Variants in LDB3 observed in about 807,000 individuals in gnomAD.
The protein encoded by LDB3 is LIM domain-binding protein 3.
In LDB3, 49 loss-of-function variants were observed where a neutral mutation model predicts 69.0. The ratio of observed to expected loss-of-function variants is 0.71; its 90% CI spans 0.56 to 0.90. The LOEUF is 0.90. Ranked by LOEUF, LDB3 falls within the 40% of genes least tolerant of loss-of-function variation. The probability of loss-of-function intolerance (pLI) is 0.00; values close to 1 mark genes in which losing one functional copy is unlikely to be tolerated. For missense variants in LDB3, 928 were observed against 974.1 expected, an observed-to-expected ratio of 0.95 and a Z score of 0.63; for synonymous variants, 387 against 396.2, an observed-to-expected ratio of 0.98 and a Z score of 0.28.
chr10:86,710,200 T>C, intron 9 of LDB3, 150 bp downstream of exon 9: 3 of 1,520,030 alleles, frequency 2.0e-6, no homozygotes, highest in Non-Finnish European at 2.6e-6. Flanking sequence ...CCCCTAGCTG[T>C]GGGTCAGAAT....
intron 2 of LDB3, among the ~76,000 whole-genome samples, chr10:86,675,719 G>A (rs1244926939): frequency 6.6e-6 from 1 of 152,266 alleles, no homozygotes; most frequent in Non-Finnish European, 1.5e-5. Context: ...ATTGATGGAT[G>A]TGGAGGGATG....
Position 86,681,746 on chromosome 10 carries a change from C to A in LDB3, c.632C>A (p.Ala211Asp). The A allele has an allele frequency of 6.2e-7, 1 of 1,605,910 alleles. No individual in the cohort carries two copies. Among genetic ancestry groups the A allele is most frequent in the Non-Finnish European group, 8.5e-7 (1 of 1,175,636 alleles). ...LYSAETLREM[A>D]QMYQMSLRGK... ...TCGGCAGAGACCCTGAGGGAGATGG[C>A]TCAGATGTACCAGATGAGCCTCCGA... Residue 211 changes from alanine (A) to aspartate (D), a missense_variant, in exon 5 of 14, where the codon GCT becomes GAT. Transcript: ENST00000361373.
chr10:86,716,198 CA>C (rs1430801010), intron 9 of LDB3, 128 bp from the exon 10 acceptor site: 5 of 1,129,966 alleles, frequency 4.4e-6, no homozygotes, highest in Non-Finnish European at 6.7e-6. Context: ...ACAAGTCTCC[CA>C]AAAAAACTGA....
chr10:86,693,982 C>A (rs1269687029), intron 7 of LDB3, among the ~76,000 whole-genome samples: 1 of 152,230 alleles, frequency 6.6e-6, no homozygotes, highest in African/African-American at 2.4e-5. Flanking sequence ...TTTTTTCTCC[C>A]TCCTCTGAGA....
chr10:86,708,734 T>C (rs1170216145), intron 8 of LDB3, among the ~76,000 whole-genome samples: 4 of 152,188 alleles, frequency 2.6e-5, no homozygotes, highest in Non-Finnish European at 5.9e-5. Context: ...AGCCCCCTGG[T>C]CTGGGATGCC....
At chr10:86,686,525 C>T (rs1277023882) in intron 5 of LDB3, among the ~76,000 whole-genome samples, 1 of 152,180 alleles carries the variant, frequency 6.6e-6, no homozygotes, top group Non-Finnish European at 1.5e-5. Flanking sequence ...GGCAAGGAAA[C>T]CCTTCTATGG....
Position 86,733,006 on chromosome 10 carries a change from C to T in LDB3, c.*30C>T. On this transcript the variant is annotated 3_prime_UTR_variant, in exon 14 of 14. Transcript: ENST00000361373. ...CCAAGGCCGCCTGTGCTGACGAGGCCCGGAGCTGCTCCTGCTGCTGGCAAC... is the reference window on the plus strand; with the variant it reads ...CCAAGGCCGCCTGTGCTGACGAGGCTCGGAGCTGCTCCTGCTGCTGGCAAC... 2 of 1,515,890 alleles carry T rather than the reference C, an allele frequency of 1.3e-6. No homozygotes were observed. The highest frequency in any genetic ancestry group is 2.3e-5 in the East Asian group (1 of 43,780). 93.9% of individuals were successfully genotyped at this position (1,515,890 alleles called of 1,614,324 possible).
chr10:86,698,912 C>T (rs951563179), intron 7 of LDB3, among the ~76,000 whole-genome samples: 1 of 152,124 alleles, frequency 6.6e-6, no homozygotes, highest in Admixed American at 6.5e-5. Flanking sequence ...CCAAAGCAGC[C>T]CTGCCCAGCC....
intron 7 of LDB3, 54 bp downstream of exon 7, chr10:86,692,625 C>T (rs184504862): frequency 2.1e-4 from 328 of 1,527,756 alleles, no homozygotes; most frequent in African/African-American, 3.1e-4. Context: ...CGTCCCTCCC[C>T]GGGCAGCCCC....
intron 9 of LDB3, among the ~76,000 whole-genome samples, chr10:86,711,861 C>A (rs1318737626): frequency 4.7e-5 from 7 of 150,408 alleles, no homozygotes; most frequent in Admixed American, 2.6e-4. Flanking sequence ...AGAGCCGGGC[C>A]CGGCCCGGCG....
chr10:86,718,878 C>T, intron 12 of LDB3, 31 bp downstream of exon 12: 1 of 1,613,292 alleles, frequency 6.2e-7, no homozygotes, highest in South Asian at 1.1e-5. Context: ...TGTGGGGAGG[C>T]CCCACAGCCT....
chr10:86,690,721 G>A (rs1251420310), intron 5 of LDB3, among the ~76,000 whole-genome samples: 1 of 152,254 alleles, frequency 6.6e-6, no homozygotes, highest in Non-Finnish European at 1.5e-5. Context: ...GCAGGCAGAA[G>A]AGTACTGGAC....
At chr10:86,680,260 C>A in intron 4 of LDB3, 103 bp downstream of exon 4, 2 of 1,052,690 alleles carry the variant, frequency 1.9e-6, no homozygotes, top group South Asian at 2.7e-5. Context: ...GGGATGAGGC[C>A]GTGGGATCAG....
Position 86,733,087 on chromosome 10 carries a change from G to A in LDB3, c.*111G>A, listed in dbSNP as rs753087057. ...AGGGGAATGGGGAGAGAGAGGAAGC[G>A]ACTGAGCCCTTTGGAAGTATAATTT... On this transcript the variant is annotated 3_prime_UTR_variant, in exon 14 of 14. Coordinates refer to ENST00000361373, the MANE Select transcript of LDB3 (RefSeq NM_007078.3). The A allele has an allele frequency of 1.4e-4, 109 of 773,054 alleles. No homozygotes were observed. The highest frequency in any genetic ancestry group is 9.5e-4 in the Admixed American group (46 of 48,402). 47.9% of individuals were successfully genotyped at this position (773,054 alleles called of 1,614,324 possible).
intron 10 of LDB3, 56 bp downstream of exon 10, chr10:86,716,827 G>A (rs1846897735): frequency 2.0e-6 from 3 of 1,521,932 alleles, no homozygotes; most frequent in Non-Finnish European, 2.7e-6. Context: ...TGTGTGGGGT[G>A]CTTGCCCACA....
At chr10:86,719,283 G>A (rs1434979609) in intron 12 of LDB3, among the ~76,000 whole-genome samples, 1 of 151,944 alleles carries the variant, frequency 6.6e-6, no homozygotes, top group East Asian at 1.9e-4. Context: ...TCTCAGCTAC[G>A]CAGGAGGCTG....
chr10:86,690,846 C>T (rs1845723748), intron 5 of LDB3, among the ~76,000 whole-genome samples: 2 of 152,186 alleles, frequency 1.3e-5, no homozygotes. Context: ...AGCCAGGAAA[C>T]CTAGGTTCTC....
Position 86,681,697 on chromosome 10 carries a change from T to C in LDB3, c.583T>C (p.Tyr195His). The change falls in exon 5 of 14, where the codon TAT becomes CAT. Residue 195 changes from tyrosine (Y) to histidine (H), a missense_variant. By Grantham distance (83) the Tyr-to-His change is moderately conservative. Coordinates refer to ENST00000361373, the MANE Select transcript of LDB3 (RefSeq NM_007078.3). The part of the protein sequence containing the change: ...ALPGSSQPRQ[Y>H]NNPIGLYSAE... ...GCCGGGCTCGAGCCAGCCGAGGCAA[T>C]ATAACAACCCCATTGGCCTGTACTC... The C allele has an allele frequency of 2.5e-6, 4 of 1,613,532 alleles. No homozygotes were observed. The highest frequency in any genetic ancestry group is 3.4e-6 in the Non-Finnish European group (4 of 1,179,882).
At chr10:86,667,783 A>G (rs1242761161), upstream of LDB3, among the ~76,000 whole-genome samples, 2 of 152,198 alleles carry the variant, frequency 1.3e-5, no homozygotes, top group South Asian at 2.1e-4. Context: ...TTCAGACCCT[A>G]TGCCAAGGGG....
Sources: gnomAD v4.1 joint callset for allele counts (sites outside exome capture counted in the v4.1 genomes callset) on GRCh38, gnomAD v4.1.1 for gene constraint, MANE v1.5 for transcripts, NCBI Gene and HGNC (gene_info 2026-07-23, HGNC 2026-07-21) for gene names.